ADGRG1: variants seen among roughly 807,000 people sequenced by gnomAD.
ADGRG1 encodes the protein 7-transmembrane protein with no EGF-like N-terminal domains-1.
ADGRG1 carries 53 observed loss-of-function variants against 73.5 expected under a neutral mutation model. The observed-to-expected ratio is 0.72, with a 90% CI of 0.58 to 0.91. The LOEUF (loss-of-function observed/expected upper bound fraction) is 0.91. ADGRG1 is among the 40% of genes least tolerant of loss of function. The pLI, the probability that ADGRG1 is intolerant of heterozygous loss-of-function variation, is 0.00. For missense variants in ADGRG1, 795 were observed against 871.8 expected, an observed-to-expected ratio of 0.91 and a Z score of 1.11; for synonymous variants, 394 against 374.4, an observed-to-expected ratio of 1.05 and a Z score of -0.60.
Position 57,665,134 on chromosome 16 carries a change from G to A in ADGRG1, c.*1552G>A, listed in dbSNP as rs2048001267. On this transcript the variant is annotated 3_prime_UTR_variant, in exon 14 of 14. Transcript: ENST00000562631. ...TACCTTGGGGCCAATCAGGAAACAT[G>A]AAAGAGAGAAGAGGGCTGTGTGTGA... 1 of 150,514 alleles carries A rather than the reference G, an allele frequency of 6.6e-6. No homozygotes were observed. The highest frequency in any genetic ancestry group is 1.5e-5 in the Non-Finnish European group (1 of 67,756). The allele number at this position is 150,514 out of a possible 1,614,324, so 9.3% of individuals were successfully genotyped here. A position where few individuals can be genotyped will look rare whatever the true frequency, so the allele number is the denominator to read the frequency against.
chr16:57,646,598 T>C (rs2042708092), intron 1 of ADGRG1: 1 of 985,124 alleles, frequency 1.0e-6, no homozygotes. Context: ...TCTCTGCTAC[T>C]CTCCATTCTC....
chr16:57,634,470 A>G (rs2038859489), intron 1 of ADGRG1: 8 of 985,196 alleles, frequency 8.1e-6, no homozygotes, highest in Non-Finnish European at 9.6e-6. Context: ...CATACACTTC[A>G]CTGCCTACAA....
chr16:57,659,302 A>ATG, intron 10 of ADGRG1, 111 bp from the exon 11 acceptor site: 4 of 1,581,990 alleles, frequency 2.5e-6, no homozygotes, highest in South Asian at 1.1e-5. Context: ...GTATGACTGC[A>ATG]TGTGTGTGTC....
chr16:57,651,925 G>A (rs1359485595), intron 3 of ADGRG1: 15 of 1,363,620 alleles, frequency 1.1e-5, no homozygotes, highest in African/African-American at 2.9e-5. Flanking sequence ...GGTGAAGGAG[G>A]ATGAGGTCTG....
rs946002829 is a variant in ADGRG1 at position 57,633,421 on chromosome 16, G to A, written c.-36+4619G>A. 9.1e-6 allele frequency: 9 copies of A among 985,260 alleles called. No individual in the cohort carries two copies. The East Asian group carries it at 4.5e-4, about 50-fold the overall frequency. The allele number at this position is 985,260 out of a possible 1,614,324, so 61.0% of individuals were successfully genotyped here. ...AAATGCGGCTTTGTGGGGATGAACC[G>A]AGACAGCCACACGTCATAGGGGCTC... On this transcript the variant is annotated intron_variant, in intron 1 of 13. Coordinates refer to ENST00000562631, the MANE Select transcript of ADGRG1 (RefSeq NM_201525.4).
At position 57,651,419 on chromosome 16, in the gene ADGRG1, A is replaced by G; in HGVS notation, c.284A>G (p.Asn95Ser). ...CTCTACCACTTCTGCCTCTACTGGA[A>G]CCGACATGCTGGGAGATTACATCTT... Reference protein sequence around the residue: ...RGLYHFCLYWNRHAGRLHLLY... With the variant: ...RGLYHFCLYWSRHAGRLHLLY... The change falls in exon 3 of 14, where the codon AAC becomes AGC. Residue 95 changes from asparagine (N) to serine (S), a missense_variant. Asn to Ser is a conservative substitution (Grantham distance 46). Coordinates refer to ENST00000562631, the MANE Select transcript of ADGRG1 (RefSeq NM_201525.4). 6.2e-7 allele frequency: 1 copy of G among 1,614,162 alleles called. No individual in the cohort carries two copies. Among genetic ancestry groups the G allele is most frequent in the Non-Finnish European group, 8.5e-7 (1 of 1,180,022 alleles).
At chr16:57,662,273 A>G (rs906397061) in intron 13 of ADGRG1, among the ~76,000 whole-genome samples, 2 of 152,210 alleles carry the variant, frequency 1.3e-5, no homozygotes, top group African/African-American at 2.4e-5. Context: ...AGGTGGTCCC[A>G]GATAGTAGGG....
chr16:57,653,020 A>T, intron 3 of ADGRG1, 183 bp from the exon 4 acceptor site: 1 of 1,461,604 alleles, frequency 6.8e-7, no homozygotes, highest in Non-Finnish European at 9.0e-7. Context: ...CACAACCCCC[A>T]CGGGTTGGCC....
intron 2 of ADGRG1, 80 bp downstream of exon 2, chr16:57,650,431 A>G (rs2043755966): frequency 6.2e-7 from 1 of 1,610,720 alleles, no homozygotes; most frequent in Admixed American, 1.7e-5. Flanking sequence ...GCCAGCACAC[A>G]TGCTAACTCC....
intron 6 of ADGRG1, 142 bp from the exon 7 acceptor site, chr16:57,655,734 A>G: frequency 6.2e-7 from 1 of 1,604,742 alleles, no homozygotes; most frequent in East Asian, 2.2e-5. Context: ...CTACATGGGC[A>G]AAAGTGGTTC....
chr16:57,636,864 A>G (rs1260461493), intron 1 of ADGRG1: 1 of 181,488 alleles, frequency 5.5e-6, no homozygotes, highest in Non-Finnish European at 1.1e-5. Context: ...AGTCATGTCA[A>G]TGTTGGGTGC....
At position 57,650,362 on chromosome 16, in the gene ADGRG1, C is replaced by T. The variant is rs1286791310; in HGVS notation, c.64+11C>T. The T allele has an allele frequency of 1.2e-6, 2 of 1,609,338 alleles. No homozygotes were observed. The highest frequency in any genetic ancestry group is 4.5e-5 in the East Asian group (2 of 44,864). On this transcript the variant is annotated intron_variant, in intron 2 of 13. Coordinates refer to ENST00000562631, the MANE Select transcript of ADGRG1 (RefSeq NM_201525.4). ...TCTTCCTGGTCCAAGGCAGGTCTTC[C>T]CAGGGGTGCCCTGGGCTGTTGGAAC... is the stretch of plus-strand genomic sequence containing the variant.
At chr16:57,641,565 CT>C (rs35725310) in intron 1 of ADGRG1, 158,507 of 850,114 alleles carry the variant, frequency 0.19, 149 homozygotes, top group East Asian at 0.24. Flanking sequence ...TCTAAAAGTC[CT>C]TTTTTTTTTT....
Position 57,635,168 on chromosome 16 carries a change from G to C in ADGRG1, c.-36+6366G>C. The stretch of plus-strand genomic sequence containing the variant: ...TCCAACAGGCTTGAACCTGAATAGG[G>C]GCATTCCTGACCCCATGGCACTTCC... On this transcript the variant is annotated intron_variant, in intron 1 of 13. Coordinates refer to ENST00000562631, the MANE Select transcript of ADGRG1 (RefSeq NM_201525.4). 8 of 985,232 alleles carry C rather than the reference G, an allele frequency of 8.1e-6. No individual in the cohort carries two copies. The South Asian group carries it at 3.8e-4, about 46-fold the overall frequency. The allele number at this position is 985,232 out of a possible 1,614,324, so 61.0% of individuals were successfully genotyped here.
intron 1 of ADGRG1, chr16:57,639,488 C>T (rs1460896777): frequency 1.0e-6 from 1 of 985,330 alleles, no homozygotes; most frequent in Non-Finnish European, 1.2e-6. Flanking sequence ...TTGTTTGAAG[C>T]TCCAGTGAGG....
chr16:57,663,249 G>A (rs933789087), intron 13 of ADGRG1: 1 of 886,764 alleles, frequency 1.1e-6, no homozygotes, highest in Non-Finnish European at 1.4e-6. Context: ...GGAAGTTTGT[G>A]ACAGTGAGAG....
intron 3 of ADGRG1, chr16:57,651,948 G>C: frequency 7.6e-7 from 1 of 1,314,848 alleles, no homozygotes; most frequent in Non-Finnish European, 9.8e-7. Flanking sequence ...TAGGGTGAGA[G>C]AGCAGAGACT....
Position 57,628,916 on chromosome 16 carries a change from G to T in ADGRG1, c.-36+114G>T. On this transcript the variant is annotated intron_variant, in intron 1 of 13. Coordinates refer to ENST00000562631, the MANE Select transcript of ADGRG1 (RefSeq NM_201525.4). ...TGAGTGTGTGAGTGTGAGTGTGTGA[G>T]AGTGAGTGTGAGTGTGAGTGTGAGC... 2 of 809,958 alleles carry T rather than the reference G, an allele frequency of 2.5e-6. 1 individual carries two copies. The highest frequency in any genetic ancestry group is 2.8e-6 in the Non-Finnish European group (2 of 710,812). 50.2% of individuals were successfully genotyped at this position (809,958 alleles called of 1,614,324 possible).
chr16:57,623,352 T>TG (rs1459535587), upstream of ADGRG1, among the ~76,000 whole-genome samples: 1 of 152,192 alleles, frequency 6.6e-6, no homozygotes, highest in African/African-American at 2.4e-5. Context: ...TGAAACCAGA[T>TG]GCAGGTTAAA....
Sources: gnomAD v4.1 joint callset for allele counts (sites outside exome capture counted in the v4.1 genomes callset) on GRCh38, gnomAD v4.1.1 for gene constraint, MANE v1.5 for transcripts, NCBI Gene and HGNC (gene_info 2026-07-23, HGNC 2026-07-21) for gene names.